NUBPL: variants seen among roughly 807,000 people sequenced by gnomAD.
NUBPL encodes NUBP iron-sulfur cluster assembly factor, mitochondrial.
NUBPL carries 31 observed loss-of-function variants against 45.7 expected under a neutral mutation model. The ratio of observed to expected loss-of-function variants is 0.68; its 90% confidence interval spans 0.51 to 0.92. NUBPL has a LOEUF of 0.92. Among genes scored for constraint, NUBPL ranks in the 40% least tolerant of loss-of-function variants. The probability of loss-of-function intolerance (pLI) is 0.00; values close to 1 mark genes in which losing one functional copy is unlikely to be tolerated. For missense variants in NUBPL, 401 were observed against 398.7 expected (o/e 1.01, Z -0.05); for synonymous variants, 144 against 140.9 (o/e 1.02, Z -0.15).
chr14:31,608,401 A>C (rs184077414), intron 4 of NUBPL, among the ~76,000 whole-genome samples: 1 of 152,150 alleles, frequency 6.6e-6, no homozygotes, highest in East Asian at 1.9e-4. Context: ...TAAACATACA[A>C]AAATTAGCTG....
At chr14:31,744,682 C>T (rs1457362465) in intron 6 of NUBPL, among the ~76,000 whole-genome samples, 3 of 143,360 alleles carry the variant, frequency 2.1e-5, no homozygotes, top group African/African-American at 7.9e-5. Context: ...AATGCAGTGG[C>T]ACAATCTCGG....
intron 3 of NUBPL, among the ~76,000 whole-genome samples, chr14:31,574,824 G>T (rs984371799): frequency 6.6e-6 from 1 of 151,826 alleles, no homozygotes; most frequent in East Asian, 1.9e-4. Context: ...CAGGTGATCC[G>T]CCTGCCTCGG....
intron 6 of NUBPL, among the ~76,000 whole-genome samples, chr14:31,738,631 A>G (rs1234967383): frequency 6.6e-6 from 1 of 152,218 alleles, no homozygotes; most frequent in African/African-American, 2.4e-5. Flanking sequence ...TTTAAATTCC[A>G]ACATAAAACA....
intron 6 of NUBPL, among the ~76,000 whole-genome samples, chr14:31,747,915 C>CT (rs1207829973): frequency 1.3e-5 from 2 of 151,940 alleles, no homozygotes; most frequent in African/African-American, 4.8e-5. Flanking sequence ...AATCTTTCTA[C>CT]TTTTTTTATA....
chr14:31,667,588 A>C (rs1460693580), intron 4 of NUBPL, among the ~76,000 whole-genome samples: 1 of 151,824 alleles, frequency 6.6e-6, no homozygotes, highest in Non-Finnish European at 1.5e-5. Context: ...AGTTTTGTGC[A>C]CTTGTTGGAG....
chr14:31,583,568 T>C (rs2033919722), intron 3 of NUBPL, among the ~76,000 whole-genome samples: 1 of 152,202 alleles, frequency 6.6e-6, no homozygotes, highest in Non-Finnish European at 1.5e-5. Flanking sequence ...CAGTGAGTAA[T>C]ACTAATTAGA....
intron 3 of NUBPL, among the ~76,000 whole-genome samples, chr14:31,580,758 G>A (rs1300780223): frequency 1.3e-5 from 2 of 152,166 alleles, no homozygotes; most frequent in Non-Finnish European, 2.9e-5. Context: ...AAAGCCCTGA[G>A]GTAGAATCAA....
chr14:31,852,283 C>T (rs547444087), intron 10 of NUBPL, among the ~76,000 whole-genome samples: 1 of 152,356 alleles, frequency 6.6e-6, no homozygotes, highest in South Asian at 2.1e-4. Flanking sequence ...GATGTCATGA[C>T]ACTAAATGTC....
intron 6 of NUBPL, among the ~76,000 whole-genome samples, chr14:31,715,900 T>C (rs188274756): frequency 1.3e-5 from 2 of 152,280 alleles, no homozygotes; most frequent in African/African-American, 4.8e-5. Context: ...ACGTTTTGAC[T>C]CATAATATTT....
At chr14:31,583,016 G>A (rs1196359599) in intron 3 of NUBPL, among the ~76,000 whole-genome samples, 1 of 152,162 alleles carries the variant, frequency 6.6e-6, no homozygotes, top group African/African-American at 2.4e-5. Flanking sequence ...CTGCAAGGCT[G>A]CTATTTTTCC....
rs370253651 is a variant in NUBPL at position 31,733,516 on chromosome 14, A to T, written c.514-54264A>T. On this transcript the variant is annotated intron_variant, in intron 6 of 10. Transcript: ENST00000281081. The stretch of plus-strand genomic sequence containing the variant: ...ATTTAGGTATTTAAAAAATTCTCTC[A>T]GTAGTATTTTATAGGTTAATAAAGG... 4.6e-5 allele frequency among the ~76,000 whole-genome samples: 7 copies of T among 152,194 alleles called. No individual in the cohort carries two copies. The East Asian group carries it at 7.7e-4, about 17-fold the overall frequency.
intron 6 of NUBPL, among the ~76,000 whole-genome samples, chr14:31,756,737 G>A (rs2038674309): frequency 6.6e-6 from 1 of 151,556 alleles, no homozygotes; most frequent in Admixed American, 6.6e-5. Context: ...CCAACACTAT[G>A]TTGAATAGGA....
rs78160204 is a variant in NUBPL, at chr14:31,570,182, A to G, written c.291+5134A>G. Among the ~76,000 whole-genome samples the G allele has an allele frequency of 2.4e-3, 366 of 152,352 alleles. 2 individuals are homozygous for G. Among genetic ancestry groups the G allele is most frequent in the Middle Eastern group, 0.014 (4 of 294 alleles). Reference sequence around the variant, plus strand: ...GATTACATTCACAAATGTTTAGTCTATATAAATATGTTGTATATTTATATA... The same window carrying G: ...GATTACATTCACAAATGTTTAGTCTGTATAAATATGTTGTATATTTATATA... On this transcript the variant is annotated intron_variant, in intron 3 of 10. Transcript: ENST00000281081.
At chr14:31,688,658 GTTT>G (rs35846918) in intron 6 of NUBPL, among the ~76,000 whole-genome samples, 1 of 129,466 alleles carries the variant, frequency 7.7e-6, no homozygotes, top group Non-Finnish European at 1.6e-5. Flanking sequence ...TTTTGTTGTT[GTTT>G]TTTTTTTTTT....
intron 7 of NUBPL, among the ~76,000 whole-genome samples, chr14:31,813,309 C>A (rs747447678): frequency 6.6e-6 from 1 of 151,874 alleles, no homozygotes; most frequent in Non-Finnish European, 1.5e-5. Context: ...TTCTTTATAG[C>A]GTCATTAAGA....
At chr14:31,840,575 C>CAA (rs1179425932) in intron 8 of NUBPL, among the ~76,000 whole-genome samples, 1,361 of 90,986 alleles carry the variant, frequency 0.015, 25 homozygotes, top group African/African-American at 0.051. Flanking sequence ...CTCCACATCT[C>CAA]AAAAAAAAAA....
At chr14:31,683,556 T>C (rs2036885313) in intron 6 of NUBPL, among the ~76,000 whole-genome samples, 1 of 152,044 alleles carries the variant, frequency 6.6e-6, no homozygotes, top group Non-Finnish European at 1.5e-5. Flanking sequence ...TTTCACCATT[T>C]TGGCTAGGAT....
At chr14:31,755,712 A>G (rs1033756751) in intron 6 of NUBPL, among the ~76,000 whole-genome samples, 2 of 151,760 alleles carry the variant, frequency 1.3e-5, no homozygotes, top group Admixed American at 1.3e-4. Context: ...ATTAGATCCC[A>G]TTTGTCAATT....
intron 3 of NUBPL, among the ~76,000 whole-genome samples, chr14:31,572,600 T>C (rs1034720289): frequency 2.0e-5 from 3 of 152,240 alleles, no homozygotes; most frequent in African/African-American, 7.2e-5. Flanking sequence ...TTCGTTTTAC[T>C]TTATTTTTTG....
Sources: gnomAD v4.1 joint callset for allele counts (sites outside exome capture counted in the v4.1 genomes callset) on GRCh38, gnomAD v4.1.1 for gene constraint, MANE v1.5 for transcripts, NCBI Gene and HGNC (gene_info 2026-07-23, HGNC 2026-07-21) for gene names.